Variants in RBM19 observed in about 807,000 individuals in gnomAD.
The protein encoded by RBM19 is RNA binding motif protein 19, also known as probable RNA-binding protein 19.
A neutral mutation model predicts 116.8 loss-of-function variants in RBM19; 94 were observed. The ratio of observed to expected loss-of-function variants is 0.80; its 90% CI spans 0.68 to 0.95. RBM19 has a LOEUF of 0.95. Among genes scored for constraint, RBM19 ranks in the 40% least tolerant of loss-of-function variants. RBM19 has a pLI of 0.00. For missense variants in RBM19, 1,161 were observed against 1,220.7 expected, an observed-to-expected ratio of 0.95 and a Z score of 0.73; for synonymous variants, 475 against 494.1, an observed-to-expected ratio of 0.96 and a Z score of 0.51.
intron 21 of RBM19, among the ~76,000 whole-genome samples, chr12:113,859,439 C>T (rs1460801747): frequency 6.6e-6 from 1 of 152,214 alleles, no homozygotes; most frequent in Non-Finnish European, 1.5e-5. Context: ...ATTTCTTCAG[C>T]GCTCAAATGA....
chr12:113,906,748 C>T (rs1882071888), intron 21 of RBM19, among the ~76,000 whole-genome samples: 1 of 151,968 alleles, frequency 6.6e-6, no homozygotes, highest in Non-Finnish European at 1.5e-5. Context: ...CCTTACCTAA[C>T]TGCCCAGTCT....
chr12:113,939,814 T>G (rs1870393983), intron 15 of RBM19, 146 bp downstream of exon 15: 93 of 787,880 alleles, frequency 1.2e-4, no homozygotes, highest in East Asian at 2.4e-4. Flanking sequence ...GCGGCAGGGA[T>G]GATATTCAGC....
intron 23 of RBM19, among the ~76,000 whole-genome samples, chr12:113,833,511 A>G (rs1875616690): frequency 6.6e-6 from 1 of 152,230 alleles, no homozygotes; most frequent in Non-Finnish European, 1.5e-5. Flanking sequence ...ACAAGGCCCC[A>G]GGAGGAAACC....
intron 13 of RBM19, 21 bp from the exon 14 acceptor site, chr12:113,942,455 A>G: frequency 6.3e-7 from 1 of 1,586,872 alleles, no homozygotes; most frequent in Non-Finnish European, 8.5e-7. Flanking sequence ...GGAAAGGAAG[A>G]GTTCTGGTTG....
At chr12:113,946,498 G>A (rs761644539) in intron 11 of RBM19, 23 bp from the exon 12 acceptor site, 2 of 1,614,070 alleles carry the variant, frequency 1.2e-6, no homozygotes. Flanking sequence ...GACGGGAAGG[G>A]AGTAAACAGA....
chr12:113,951,638 C>A (rs780665585), intron 8 of RBM19, among the ~76,000 whole-genome samples: 1 of 152,210 alleles, frequency 6.6e-6, no homozygotes, highest in Non-Finnish European at 1.5e-5. Context: ...GAGCCCTTTA[C>A]CCTGACCTCA....
At chr12:113,867,927 G>GAATAAATA (rs34927476) in intron 21 of RBM19, among the ~76,000 whole-genome samples, 3 of 151,782 alleles carry the variant, frequency 2.0e-5, no homozygotes, top group South Asian at 2.1e-4. Flanking sequence ...ACTCTTGTCT[G>GAATAAATA]AATAAATAAA....
chr12:113,920,951 T>A (rs1868505552), intron 18 of RBM19, among the ~76,000 whole-genome samples: 1 of 152,216 alleles, frequency 6.6e-6, no homozygotes, highest in South Asian at 2.1e-4. Context: ...ATTAACTTCA[T>A]AATAGGATTC....
intron 21 of RBM19, among the ~76,000 whole-genome samples, chr12:113,875,256 AAAC>A (rs771536702): frequency 1.3e-4 from 20 of 152,394 alleles, no homozygotes; most frequent in South Asian, 4.1e-4. Flanking sequence ...CTGGGAAAGA[AAAC>A]AACAATAAAA....
intron 22 of RBM19, among the ~76,000 whole-genome samples, chr12:113,848,779 C>T (rs910809389): frequency 6.6e-6 from 1 of 152,200 alleles, no homozygotes; most frequent in African/African-American, 2.4e-5. Context: ...GGGCAAGATG[C>T]TCCTCTGCCA....
At chr12:113,924,837 C>T in intron 17 of RBM19, 80 bp from the exon 18 acceptor site, 1 of 1,208,608 alleles carries the variant, frequency 8.3e-7, no homozygotes, top group South Asian at 1.2e-5. Flanking sequence ...ACTATACCCC[C>T]AAATTTGCCA....
At chr12:113,933,654 AG>A (rs1242945209) in intron 16 of RBM19, among the ~76,000 whole-genome samples, 1 of 152,176 alleles carries the variant, frequency 6.6e-6, no homozygotes, top group East Asian at 1.9e-4. Context: ...CCCAGGAAGC[AG>A]GGGGACCCGC....
intron 9 of RBM19, 82 bp downstream of exon 9, chr12:113,950,001 C>CTGG: frequency 8.1e-7 from 1 of 1,237,168 alleles, no homozygotes; most frequent in Non-Finnish European, 1.2e-6. Flanking sequence ...GGTGATGGTG[C>CTGG]TGGTACAAGA....
chr12:113,921,671 C>T (rs1335306224), intron 18 of RBM19, among the ~76,000 whole-genome samples: 2 of 152,186 alleles, frequency 1.3e-5, no homozygotes, highest in African/African-American at 4.8e-5. Context: ...ACAGCCAGTG[C>T]CACCCCATGG....
chr12:113,826,987 C>T (rs2069024185), intron 23 of RBM19, among the ~76,000 whole-genome samples: 1 of 152,142 alleles, frequency 6.6e-6, no homozygotes, highest in South Asian at 2.1e-4. Context: ...TCAGGCTGGG[C>T]CCCCAACTGC....
At chr12:113,887,634 C>CAAAA (rs35665613) in intron 21 of RBM19, among the ~76,000 whole-genome samples, 4 of 71,134 alleles carry the variant, frequency 5.6e-5, no homozygotes, top group African/African-American at 1.2e-4. Flanking sequence ...GACTCCATCT[C>CAAAA]AAAAAAAAAA....
intron 21 of RBM19, among the ~76,000 whole-genome samples, chr12:113,877,589 A>G (rs910064571): frequency 2.0e-5 from 3 of 152,240 alleles, no homozygotes; most frequent in Admixed American, 6.5e-5. Flanking sequence ...ACTGCAATGC[A>G]TCTAGTCCCT....
chr12:113,959,147 TG>T (rs1490866910), intron 5 of RBM19, 64 bp downstream of exon 5: 5 of 1,542,988 alleles, frequency 3.2e-6, no homozygotes, highest in Non-Finnish European at 3.5e-6. Flanking sequence ...GGGCCCCCAG[TG>T]CCGGTTAGCC....
At chr12:113,942,476 A>G in intron 13 of RBM19, 42 bp from the exon 14 acceptor site, 3 of 1,533,798 alleles carry the variant, frequency 2.0e-6, no homozygotes, top group Non-Finnish European at 1.8e-6. Context: ...GCTGTCGGCC[A>G]GGTGACTTGC....
Sources: gnomAD v4.1 joint callset for allele counts (sites outside exome capture counted in the v4.1 genomes callset) on GRCh38, gnomAD v4.1.1 for gene constraint, MANE v1.5 for transcripts, NCBI Gene and HGNC (gene_info 2026-07-23, HGNC 2026-07-21) for gene names.